Variants in CRB1 observed in about 807,000 individuals in gnomAD.
The protein encoded by CRB1 is crumbs cell polarity complex component 1.
Under a neutral mutation model 120.0 loss-of-function variants are expected in CRB1, and 83 were observed. The observed-to-expected ratio is 0.69, with a 90% CI of 0.58 to 0.83. The LOEUF (loss-of-function observed/expected upper bound fraction) is 0.83. CRB1 is among the 40% of genes least tolerant of loss of function. The pLI is 0.00. For missense variants in CRB1, 1,699 were observed against 1,687.6 expected (o/e 1.01, Z -0.12); for synonymous variants, 625 against 612.5 (o/e 1.02, Z -0.30).
chr1:197,240,118 A>G, the CRB1 span, among the ~76,000 whole-genome samples: 1 of 152,090 alleles, frequency 6.6e-6, no homozygotes, highest in Admixed American at 6.6e-5. Flanking sequence ...ACTCAAGAGG[A>G]GAAGAAAAAT....
At position 197,357,022 on chromosome 1, in the gene CRB1, A is replaced by C. The variant is rs1048906893; in HGVS notation, c.1171+9A>C. The stretch of plus-strand genomic sequence containing the variant: ...TCAGCCTGGATTCACAGGTGAGGCC[A>C]AGGAGATGGGATATGACTTGACTTT... On this transcript the variant is annotated intron_variant, in intron 5 of 11. Transcript: ENST00000367400. The C allele has an allele frequency of 6.2e-7, 1 of 1,613,932 alleles. No individual in the cohort carries two copies. The highest frequency in any genetic ancestry group is 8.5e-7 in the Non-Finnish European group (1 of 1,179,874).
chr1:197,282,067 GAAAA>G (rs139819098), intron 1 of CRB1, among the ~76,000 whole-genome samples: 1 of 128,650 alleles, frequency 7.8e-6, no homozygotes, highest in Non-Finnish European at 1.8e-5. Context: ...TCATAAAAAT[GAAAA>G]AAAAAAGAAA....
chr1:197,331,952 A>G (rs906906203), intron 2 of CRB1, among the ~76,000 whole-genome samples: 3 of 152,120 alleles, frequency 2.0e-5, no homozygotes, highest in African/African-American at 7.2e-5. Flanking sequence ...AGGCCGGCAG[A>G]TCACGAGGTC....
the CRB1 span, among the ~76,000 whole-genome samples, chr1:197,215,251 G>T: frequency 6.6e-6 from 1 of 150,886 alleles, no homozygotes; most frequent in Non-Finnish European, 1.5e-5. Context: ...ATCCCCAAGT[G>T]ACATGGGAGG....
At chr1:197,240,568 T>C in the CRB1 span, among the ~76,000 whole-genome samples, 6 of 152,216 alleles carry the variant, frequency 3.9e-5, no homozygotes. Flanking sequence ...TATGGCTGCA[T>C]GGTATTCCAT....
intron 11 of CRB1, among the ~76,000 whole-genome samples, chr1:197,468,708 A>T (rs1486858460): frequency 6.6e-6 from 1 of 152,192 alleles, no homozygotes; most frequent in Non-Finnish European, 1.5e-5. Context: ...ACAGCTACAC[A>T]TTCATGCGCA....
the CRB1 span, among the ~76,000 whole-genome samples, chr1:197,217,046 AAAC>A: frequency 4.5e-4 from 68 of 152,160 alleles, no homozygotes; most frequent in African/African-American, 1.5e-3. Flanking sequence ...CAATAATAAA[AAAC>A]AACCCAATTT....
At chr1:197,290,055 A>G (rs1656078074) in intron 1 of CRB1, among the ~76,000 whole-genome samples, 1 of 151,746 alleles carries the variant, frequency 6.6e-6, no homozygotes, top group Non-Finnish European at 1.5e-5. Context: ...GGTTTCTGCT[A>G]ACTTGTTCCT....
At chr1:197,273,324 T>A (rs1246681944) in intron 1 of CRB1, among the ~76,000 whole-genome samples, 2 of 152,124 alleles carry the variant, frequency 1.3e-5, no homozygotes, top group African/African-American at 4.8e-5. Flanking sequence ...ATCATATCTA[T>A]AATATTATCA....
chr1:197,213,316 G>A, the CRB1 span, among the ~76,000 whole-genome samples: 1 of 152,308 alleles, frequency 6.6e-6, no homozygotes, highest in Non-Finnish European at 1.5e-5. Context: ...AAGGAATTGT[G>A]TTGCCATGAT....
At chr1:197,466,951 G>A (rs1369808944) in intron 11 of CRB1, among the ~76,000 whole-genome samples, 1 of 152,186 alleles carries the variant, frequency 6.6e-6, no homozygotes, top group Non-Finnish European at 1.5e-5. Context: ...GGCAGGGTCA[G>A]GGCCAAATAT....
chr1:197,328,743 A>C lies in CRB1; in HGVS notation c.392A>C (p.Tyr131Ser), dbSNP rs753806518. ...GGTATTTGCCATCAGGACCCTATTT[A>C]TCCTGTCTGCATCTGCCCTGCTGGA... is the stretch of plus-strand genomic sequence containing the variant. ...HGGICHQDPI[Y>S]PVCICPAGYA... Residue 131 changes from tyrosine (Y) to serine (S), a missense_variant, in exon 2 of 12, where the codon TAT (tyrosine) becomes TCT (serine). By Grantham distance (144) the Tyr-to-Ser change is moderately radical (BLOSUM62 -2). Coordinates refer to ENST00000367400, the MANE Select transcript of CRB1 (RefSeq NM_201253.3). 2 of 1,611,910 alleles carry C rather than the reference A, an allele frequency of 1.2e-6. No homozygotes were observed. The highest frequency in any genetic ancestry group is 2.2e-5 in the South Asian group (2 of 90,908).
the CRB1 span, chr1:197,222,389 G>T: frequency 9.2e-6 from 7 of 765,014 alleles, no homozygotes; most frequent in Non-Finnish European, 1.5e-5. Context: ...ACCTTTCTTG[G>T]CCAGGACTTG....
At chr1:197,391,521 T>C (rs1160025933) in intron 5 of CRB1, among the ~76,000 whole-genome samples, 1 of 152,064 alleles carries the variant, frequency 6.6e-6, no homozygotes, top group Non-Finnish European at 1.5e-5. Flanking sequence ...GAAGTTCAAA[T>C]GGAAAAAAAA....
chr1:197,366,945 A>T (rs1423047771), intron 5 of CRB1, among the ~76,000 whole-genome samples: 7 of 152,240 alleles, frequency 4.6e-5, no homozygotes, highest in Non-Finnish European at 1.0e-4. Context: ...AAATATGCTC[A>T]TATCTTGTCA....
intron 5 of CRB1, among the ~76,000 whole-genome samples, chr1:197,385,435 G>A (rs1292032251): frequency 6.6e-6 from 1 of 151,960 alleles, no homozygotes; most frequent in Admixed American, 6.6e-5. Context: ...TAATATGTAA[G>A]ATATTAAATT....
chr1:197,246,733 A>G, the CRB1 span, among the ~76,000 whole-genome samples: 1 of 152,134 alleles, frequency 6.6e-6, no homozygotes, highest in African/African-American at 2.4e-5. Context: ...AATTCAGTGT[A>G]CATAAGTAAC....
chr1:197,431,133 T>C (rs951358876), intron 8 of CRB1, among the ~76,000 whole-genome samples: 2 of 151,994 alleles, frequency 1.3e-5, no homozygotes, highest in African/African-American at 4.8e-5. Flanking sequence ...AACTAGAGGA[T>C]AGTTTGGCTT....
intron 3 of CRB1, 120 bp downstream of exon 3, chr1:197,344,596 A>G: frequency 2.3e-6 from 2 of 875,140 alleles, no homozygotes; most frequent in East Asian, 4.9e-5. Flanking sequence ...GTAACTTTAT[A>G]CTTTAACTGA....
Sources: allele counts gnomAD v4.1 joint callset (sites outside exome capture counted in the v4.1 genomes callset), GRCh38; gene constraint gnomAD v4.1.1; transcripts MANE v1.5; gene names NCBI Gene and HGNC (gene_info 2026-07-23, HGNC 2026-07-21).